The following ERC2 variants were observed in gnomAD, a reference collection of about 807,000 sequenced individuals.
The protein encoded by ERC2 is ERC protein 2.
A neutral mutation model predicts 114.8 loss-of-function variants in ERC2; 42 were observed. That is an observed-to-expected ratio of 0.37 (90% CI 0.29 to 0.47). ERC2 has a LOEUF of 0.47. ERC2 is among the 20% of genes least tolerant of loss of function. ERC2 has a pLI of 0.99. For missense variants in ERC2, 939 were observed against 1,150.7 expected (o/e 0.82, Z 2.66); for synonymous variants, 454 against 425.5 (o/e 1.07, Z -0.82).
intron 2 of ERC2, among the ~76,000 whole-genome samples, chr3:56,350,569 T>C (rs1435606912): frequency 3.9e-5 from 6 of 152,100 alleles, no homozygotes; most frequent in Non-Finnish European, 7.4e-5. Context: ...TATATATATA[T>C]ACAGTGAAAT....
At chr3:55,804,183 G>T (rs1365337690) in intron 14 of ERC2, among the ~76,000 whole-genome samples, 1 of 152,044 alleles carries the variant, frequency 6.6e-6, no homozygotes, top group Non-Finnish European at 1.5e-5. Flanking sequence ...AATAATAATC[G>T]AATCCCTCTC....
intron 17 of ERC2, among the ~76,000 whole-genome samples, chr3:55,555,631 G>A (rs1174256901): frequency 6.6e-6 from 1 of 152,222 alleles, no homozygotes; most frequent in Non-Finnish European, 1.5e-5. Context: ...GGGCAAAATA[G>A]TTAAACTTTC....
intron 3 of ERC2, among the ~76,000 whole-genome samples, 153 bp downstream of exon 3, chr3:56,295,866 T>C (rs2055396678): frequency 6.6e-6 from 1 of 152,186 alleles, no homozygotes; most frequent in African/African-American, 2.4e-5. Context: ...AAAATTCCAG[T>C]TTAATGGTCT....
intron 3 of ERC2, among the ~76,000 whole-genome samples, chr3:56,211,934 C>T (rs770799622): frequency 6.6e-6 from 1 of 152,084 alleles, no homozygotes; most frequent in Non-Finnish European, 1.5e-5. Flanking sequence ...CATCTCTCAC[C>T]TTATACAAAA....
chr3:56,063,192 C>T (rs2076320154), intron 7 of ERC2, among the ~76,000 whole-genome samples: 1 of 152,156 alleles, frequency 6.6e-6, no homozygotes, highest in South Asian at 2.1e-4. Flanking sequence ...GGGGAACAAA[C>T]TGGTGATTGC....
intron 3 of ERC2, among the ~76,000 whole-genome samples, chr3:56,289,753 C>T (rs1298496183): frequency 6.6e-6 from 1 of 152,194 alleles, no homozygotes; most frequent in African/African-American, 2.4e-5. Context: ...AGCTCTCCTA[C>T]CTTTAAGCTG....
At chr3:56,184,760 C>T (rs2083487877) in intron 3 of ERC2, among the ~76,000 whole-genome samples, 1 of 152,178 alleles carries the variant, frequency 6.6e-6, no homozygotes, top group African/African-American at 2.4e-5. Flanking sequence ...GAATCTGACT[C>T]TTGGTTTGTT....
At chr3:55,739,968 T>C (rs1336264037) in intron 14 of ERC2, among the ~76,000 whole-genome samples, 1 of 152,202 alleles carries the variant, frequency 6.6e-6, no homozygotes, top group Non-Finnish European at 1.5e-5. Context: ...TTCAGTTTCC[T>C]GCATGTGGCT....
chr3:56,284,442 A>G (rs1234669281), intron 3 of ERC2, among the ~76,000 whole-genome samples: 2 of 152,236 alleles, frequency 1.3e-5, no homozygotes, highest in African/African-American at 2.4e-5. Flanking sequence ...TGTGGTCACA[A>G]TGTTTTAAAG....
chr3:55,944,755 G>A (rs1221369688), intron 13 of ERC2, among the ~76,000 whole-genome samples: 2 of 152,218 alleles, frequency 1.3e-5, no homozygotes, highest in African/African-American at 2.4e-5. Flanking sequence ...ACAGGGGCCT[G>A]CTATAGCAAA....
chr3:55,851,091 G>A (rs1426434866), intron 14 of ERC2, among the ~76,000 whole-genome samples: 2 of 152,064 alleles, frequency 1.3e-5, no homozygotes, highest in East Asian at 3.9e-4. Context: ...GAAATTCAGA[G>A]ACTGCAGAGA....
At chr3:55,710,602 C>G (rs553558417) in intron 15 of ERC2, among the ~76,000 whole-genome samples, 1 of 152,080 alleles carries the variant, frequency 6.6e-6, no homozygotes, top group South Asian at 2.1e-4. Context: ...TGTCTGTGAC[C>G]CTGAAGTTGA....
intron 12 of ERC2, among the ~76,000 whole-genome samples, chr3:55,977,846 T>C (rs1466189137): frequency 6.6e-6 from 1 of 152,080 alleles, no homozygotes; most frequent in Non-Finnish European, 1.5e-5. Context: ...GGAGACAGAC[T>C]CAATTAAATA....
chr3:55,619,075 C>T (rs1412469150), intron 17 of ERC2, among the ~76,000 whole-genome samples: 1 of 152,204 alleles, frequency 6.6e-6, no homozygotes, highest in Non-Finnish European at 1.5e-5. Flanking sequence ...TCTCTCTTTC[C>T]TGGAATCATG....
At chr3:56,001,982 C>T (rs1486711851) in intron 10 of ERC2, among the ~76,000 whole-genome samples, 1 of 152,106 alleles carries the variant, frequency 6.6e-6, no homozygotes, top group Admixed American at 6.6e-5. Flanking sequence ...CTTATTAGCA[C>T]TTCTATTCAA....
chr3:56,447,363 A>T (rs781008357), intron 1 of ERC2, among the ~76,000 whole-genome samples: 1 of 152,164 alleles, frequency 6.6e-6, no homozygotes, highest in Non-Finnish European at 1.5e-5. Context: ...TGGATGTGGG[A>T]TTTATATCCA....
chr3:56,145,772 G>A (rs1447617809), intron 5 of ERC2, among the ~76,000 whole-genome samples: 2 of 152,128 alleles, frequency 1.3e-5, no homozygotes, highest in African/African-American at 4.8e-5. Flanking sequence ...TGTCATGTTT[G>A]TAAAAGCAAT....
At chr3:56,213,611 G>A (rs941121463) in intron 3 of ERC2, among the ~76,000 whole-genome samples, 1 of 152,168 alleles carries the variant, frequency 6.6e-6, no homozygotes, top group Non-Finnish European at 1.5e-5. Flanking sequence ...CAAACAAAAG[G>A]CAGCACAAAC....
intron 10 of ERC2, among the ~76,000 whole-genome samples, chr3:55,999,896 A>C (rs958773819): frequency 1.3e-5 from 2 of 151,714 alleles, no homozygotes; most frequent in African/African-American, 4.8e-5. Flanking sequence ...GGAATGATAG[A>C]AAATTAAAGG....
Sources: allele counts gnomAD v4.1 joint callset (sites outside exome capture counted in the v4.1 genomes callset), GRCh38; gene constraint gnomAD v4.1.1; transcripts MANE v1.5; gene names NCBI Gene and HGNC (gene_info 2026-07-23, HGNC 2026-07-21).